Variants in NR3C1 observed in about 807,000 individuals in gnomAD.
NR3C1 encodes the protein glucocorticoid receptor.
A neutral mutation model predicts 74.0 loss-of-function variants in NR3C1; 14 were observed. That is an observed-to-expected ratio of 0.19 (90% confidence interval 0.12 to 0.30). NR3C1 has a LOEUF of 0.30. Among genes scored for constraint, NR3C1 ranks in the 10% least tolerant of loss-of-function variants. The probability of loss-of-function intolerance (pLI) is 1.00; values close to 1 mark genes in which losing one functional copy is unlikely to be tolerated. For missense variants in NR3C1, 695 were observed against 909.8 expected, an observed-to-expected ratio of 0.76 and a Z score of 3.04; for synonymous variants, 308 against 332.5, an observed-to-expected ratio of 0.93 and a Z score of 0.80.
intron 2 of NR3C1, among the ~76,000 whole-genome samples, chr5:143,329,739 C>CT (rs965678021): frequency 2.0e-5 from 3 of 151,990 alleles, no homozygotes; most frequent in African/African-American, 7.3e-5. Context: ...AAATTAACAC[C>CT]TTTTTTTAAA....
At chr5:143,404,600 TC>T (rs1840960694), upstream of NR3C1, 1 of 387,292 alleles carries the variant, frequency 2.6e-6, no homozygotes, top group Non-Finnish European at 3.1e-6. Flanking sequence ...CCCCCACCCC[TC>T]CCGCCCAATG....
upstream of NR3C1, chr5:143,403,877 T>A: frequency 1.0e-6 from 1 of 976,760 alleles, no homozygotes; most frequent in South Asian, 4.7e-5. Context: ...CGACGGCGCC[T>A]GCACGCCCGC....
upstream of NR3C1, among the ~76,000 whole-genome samples, chr5:143,406,435 T>C (rs1841115866): frequency 6.6e-6 from 1 of 152,124 alleles, no homozygotes; most frequent in Non-Finnish European, 1.5e-5. Flanking sequence ...TTATCCTAAT[T>C]TCTCTCTTCA....
chr5:143,424,538 GA>G (rs1210896925), intron 1 of NR3C1, among the ~76,000 whole-genome samples: 3 of 151,718 alleles, frequency 2.0e-5, no homozygotes, highest in East Asian at 1.9e-4. Flanking sequence ...CTTTTTAAAA[GA>G]AAAAAAACCC....
chr5:143,296,349 T>C (rs996568624), intron 6 of NR3C1, among the ~76,000 whole-genome samples: 1 of 151,798 alleles, frequency 6.6e-6, no homozygotes, highest in African/African-American at 2.4e-5. Context: ...TATTTTTCTC[T>C]ACTGAATATG....
At chr5:143,417,430 T>C (rs1351897944) in intron 1 of NR3C1, among the ~76,000 whole-genome samples, 3 of 152,136 alleles carry the variant, frequency 2.0e-5, no homozygotes, top group African/African-American at 7.2e-5. Context: ...GAGCTTGAAA[T>C]AGACTTGAGA....
At chr5:143,309,381 G>A (rs1820414104) in intron 4 of NR3C1, among the ~76,000 whole-genome samples, 3 of 152,168 alleles carry the variant, frequency 2.0e-5, no homozygotes, top group African/African-American at 7.2e-5. Context: ...ACTGTTGTGT[G>A]CATTCAGGTC....
chr5:143,310,252 C>T (rs777768707), intron 3 of NR3C1, 39 bp from the exon 4 acceptor site: 3 of 1,372,076 alleles, frequency 2.2e-6, no homozygotes. Flanking sequence ...TTTCACAGGT[C>T]TTCAAACATA....
At chr5:143,310,293 C>A in intron 3 of NR3C1, 80 bp from the exon 4 acceptor site, 1 of 1,020,296 alleles carries the variant, frequency 9.8e-7, no homozygotes, top group East Asian at 2.4e-5. Flanking sequence ...TCTTTGTTTC[C>A]GGTGGAATAT....
intron 3 of NR3C1, among the ~76,000 whole-genome samples, chr5:143,312,062 G>A (rs1054299797): frequency 3.3e-5 from 5 of 152,184 alleles, no homozygotes; most frequent in African/African-American, 1.2e-4. Flanking sequence ...ATAGAAAGAT[G>A]AGTCTTCAAG....
intron 1 of NR3C1, among the ~76,000 whole-genome samples, chr5:143,425,459 G>A (rs929729286): frequency 6.6e-6 from 1 of 152,046 alleles, no homozygotes; most frequent in Non-Finnish European, 1.5e-5. Context: ...TACAGAAATG[G>A]TAGAATTTGC....
intron 2 of NR3C1, among the ~76,000 whole-genome samples, chr5:143,341,643 T>C (rs1828247297): frequency 6.6e-6 from 1 of 152,230 alleles, no homozygotes; most frequent in South Asian, 2.1e-4. Context: ...TAGCATATTT[T>C]TTGACCACCA....
chr5:143,325,734 T>C (rs534860229), intron 2 of NR3C1, among the ~76,000 whole-genome samples: 25 of 152,276 alleles, frequency 1.6e-4, no homozygotes, highest in Admixed American at 1.6e-3. Flanking sequence ...TTATCTGTGG[T>C]CTGTGGTTTC....
chr5:143,343,246 T>A lies in NR3C1; in HGVS notation c.1185-29078A>T, dbSNP rs1372688600. ...TACTGGGATTCCAGATATCTTTCTA[T>A]CACCAACTCACAGGGTGACAATCAA... On this transcript the variant is annotated intron_variant, in intron 2 of 8. Transcript: ENST00000394464. Among the ~76,000 whole-genome samples, 4 of 152,218 alleles carry A rather than the reference T, an allele frequency of 2.6e-5. No homozygotes were observed. In the East Asian group the frequency reaches 7.7e-4, roughly 29 times the overall value.
At chr5:143,321,497 T>C (rs1301885288) in intron 2 of NR3C1, among the ~76,000 whole-genome samples, 1 of 152,212 alleles carries the variant, frequency 6.6e-6, no homozygotes, top group East Asian at 1.9e-4. Flanking sequence ...TGATACTAAG[T>C]AGTCCTTCTG....
In NR3C1 at chr5:143,403,474, C is replaced by G. The variant is rs1210181316; in HGVS notation, c.-277G>C. The G allele has an allele frequency of 1.6e-5, 16 of 985,230 alleles. No homozygotes were observed. The highest frequency in any genetic ancestry group is 1.1e-4 in the East Asian group (1 of 8,784). 61.0% of individuals were successfully genotyped at this position (985,230 alleles called of 1,614,324 possible). A position where few individuals can be genotyped will look rare whatever the true frequency, so the allele number is the denominator to read the frequency against. On this transcript the variant is annotated 5_prime_UTR_variant, in exon 1 of 9. Transcript: ENST00000394464. ...GGTTCCGGGCGCGCGTGCCCCGTCC[C>G]GGTCCCAGCTGCTTCGGCCGCTCCG...
Position 143,387,852 on chromosome 5 carries a change from C to T in NR3C1, c.1184+11804G>A, listed in dbSNP as rs139578094. The stretch of plus-strand genomic sequence containing the variant: ...TTCAGGCAAAAATAAAACACCCCTC[C>T]TCTCTTAAGGTACTCAGTGATTACA... On this transcript the variant is annotated intron_variant, in intron 2 of 8. Coordinates refer to ENST00000394464, the MANE Select transcript of NR3C1 (RefSeq NM_000176.3). Among the ~76,000 whole-genome samples the T allele has an allele frequency of 6.3e-4, 96 of 152,280 alleles. 1 individual carries two copies. The East Asian group carries it at 0.017, about 27-fold the overall frequency.
In NR3C1 at chr5:143,380,073, T is replaced by C. The variant is rs138492973; in HGVS notation, c.1184+19583A>G. 1.1e-3 allele frequency among the ~76,000 whole-genome samples: 171 copies of C among 152,316 alleles called. 2 individuals carry two copies. The East Asian group carries it at 0.015, about 13-fold the overall frequency. On this transcript the variant is annotated intron_variant, in intron 2 of 8. Transcript: ENST00000394464. Reference sequence around the variant, plus strand: ...GGGAAGGCACCCAGTATGTTTGTTATAGAGCAAATACTAACAGATACAACA... The same window carrying C: ...GGGAAGGCACCCAGTATGTTTGTTACAGAGCAAATACTAACAGATACAACA...
chr5:143,305,652 C>G (rs955302827), intron 4 of NR3C1, among the ~76,000 whole-genome samples: 3 of 152,066 alleles, frequency 2.0e-5, no homozygotes, highest in African/African-American at 7.2e-5. Context: ...AAAACAAATA[C>G]CATGTTCTCA....
Sources: gnomAD v4.1 joint callset for allele counts (sites outside exome capture counted in the v4.1 genomes callset) on GRCh38, gnomAD v4.1.1 for gene constraint, MANE v1.5 for transcripts, NCBI Gene and HGNC (gene_info 2026-07-23, HGNC 2026-07-21) for gene names.